Variants in SNX29 observed in about 807,000 individuals in gnomAD.
The protein encoded by SNX29 is sorting nexin 29.
A neutral mutation model predicts 102.1 loss-of-function variants in SNX29; 78 were observed. The ratio of observed to expected loss-of-function variants is 0.76; its 90% CI spans 0.64 to 0.92. The LOEUF (loss-of-function observed/expected upper bound fraction) is 0.92, where lower values mean the gene tolerates loss of function less well. Ranked by LOEUF, SNX29 falls within the 40% of genes least tolerant of loss-of-function variation. The pLI is 0.00. For synonymous variants in SNX29, 580 were observed against 414.5 expected, an observed-to-expected ratio of 1.40 and a Z score of -4.85; for missense variants, 1,280 against 1,061.7, an observed-to-expected ratio of 1.21 and a Z score of -2.86.
chr16:12,435,760 C>T (rs1597372297), intron 18 of SNX29, among the ~76,000 whole-genome samples: 1 of 152,186 alleles, frequency 6.6e-6, no homozygotes, highest in Admixed American at 6.5e-5. Flanking sequence ...GATCCTGGGT[C>T]TCCTTGCAGC....
chr16:12,565,082 ATGGGGT>A (rs1567215559), intron 20 of SNX29, among the ~76,000 whole-genome samples: 6 of 152,164 alleles, frequency 3.9e-5, no homozygotes, highest in Non-Finnish European at 8.8e-5. Flanking sequence ...GTGGGGACAC[ATGGGGT>A]CGTCTTCTCT....
At chr16:12,193,891 C>A (rs1173845221) in intron 13 of SNX29, among the ~76,000 whole-genome samples, 1 of 152,166 alleles carries the variant, frequency 6.6e-6, no homozygotes, top group East Asian at 1.9e-4. Flanking sequence ...AGGGCTGTAG[C>A]TTTACAGGAA....
chr16:12,366,258 C>T (rs2082477275), intron 16 of SNX29, among the ~76,000 whole-genome samples: 1 of 152,056 alleles, frequency 6.6e-6, no homozygotes, highest in Non-Finnish European at 1.5e-5. Context: ...AAGGGATGGG[C>T]TAGGTACAGC....
intron 15 of SNX29, among the ~76,000 whole-genome samples, chr16:12,338,811 G>A (rs903923294): frequency 2.6e-5 from 4 of 152,142 alleles, no homozygotes; most frequent in Non-Finnish European, 5.9e-5. Context: ...CACCTTCCAT[G>A]TGGGAGGCGC....
At chr16:12,269,357 G>T (rs906457469) in intron 14 of SNX29, among the ~76,000 whole-genome samples, 1 of 152,194 alleles carries the variant, frequency 6.6e-6, no homozygotes, top group African/African-American at 2.4e-5. Context: ...GATTAAAATG[G>T]CCAGACTGAA....
At chr16:12,319,383 ACTGGGGAGG>A (rs2080855181) in intron 15 of SNX29, among the ~76,000 whole-genome samples, 1 of 152,154 alleles carries the variant, frequency 6.6e-6, no homozygotes, top group Non-Finnish European at 1.5e-5. Context: ...AGTTCCAGCT[ACTGGGGAGG>A]CTGAGGTGAG....
intron 3 of SNX29, among the ~76,000 whole-genome samples, chr16:12,022,705 C>A (rs2057065434): frequency 6.6e-6 from 1 of 152,048 alleles, no homozygotes; most frequent in African/African-American, 2.4e-5. Flanking sequence ...GGGGTTATGT[C>A]CTGATAATCC....
At chr16:12,377,207 G>A (rs183822397) in intron 16 of SNX29, among the ~76,000 whole-genome samples, 433 of 152,308 alleles carry the variant, frequency 2.8e-3, no homozygotes, top group Non-Finnish European at 4.6e-3. Flanking sequence ...AAAACAGGGT[G>A]TAGTATATTA....
At chr16:12,430,205 C>T (rs531521292) in intron 18 of SNX29, among the ~76,000 whole-genome samples, 17 of 152,360 alleles carry the variant, frequency 1.1e-4, no homozygotes, top group East Asian at 3.9e-4. Context: ...AGTTCCCCCC[C>T]CAGCCCCAGT....
intron 11 of SNX29, chr16:12,090,287 T>C (rs2052454708): frequency 1.3e-5 from 2 of 152,332 alleles, no homozygotes; most frequent in Admixed American, 1.3e-4. Flanking sequence ...GGGCATCCTT[T>C]GTGATTGGAG....
intron 19 of SNX29, among the ~76,000 whole-genome samples, chr16:12,489,323 G>T (rs1338088394): frequency 6.6e-6 from 1 of 151,650 alleles, no homozygotes; most frequent in Admixed American, 6.6e-5. Flanking sequence ...GTTGCCACCA[G>T]TTGGTTATTT....
At chr16:12,326,781 G>A (rs946545998) in intron 15 of SNX29, among the ~76,000 whole-genome samples, 1 of 152,194 alleles carries the variant, frequency 6.6e-6, no homozygotes, top group African/African-American at 2.4e-5. Context: ...TGGTACTGTG[G>A]TGCAGGTGGC....
At chr16:12,515,631 T>A in intron 19 of SNX29, 1 of 485,732 alleles carries the variant, frequency 2.1e-6, no homozygotes, top group Middle Eastern at 3.1e-4. Context: ...TGCCTTCCTG[T>A]CCTAGCCACC....
At chr16:12,066,563 C>T (rs1023207537) in intron 9 of SNX29, among the ~76,000 whole-genome samples, 57 of 152,206 alleles carry the variant, frequency 3.7e-4, no homozygotes, top group African/African-American at 1.2e-3. Context: ...TGAGCACTGT[C>T]GTCTTCACGG....
At chr16:12,477,644 G>A in intron 18 of SNX29, 75 bp from the exon 19 acceptor site, 1 of 1,563,482 alleles carries the variant, frequency 6.4e-7, no homozygotes, top group Non-Finnish European at 8.7e-7. Flanking sequence ...GGTTTTCATG[G>A]GGAAAGCATA....
intron 20 of SNX29, among the ~76,000 whole-genome samples, chr16:12,555,205 A>G (rs370487259): frequency 3.3e-5 from 5 of 151,796 alleles, no homozygotes; most frequent in Admixed American, 2.6e-4. Context: ...AGACTGGACT[A>G]TGGGCAGCTG....
chr16:12,439,035 G>A (rs866786126), intron 18 of SNX29, among the ~76,000 whole-genome samples: 23 of 152,196 alleles, frequency 1.5e-4, no homozygotes, highest in Admixed American at 2.6e-4. Flanking sequence ...ATGGCAGCCC[G>A]GGCTTCCAAG....
intron 19 of SNX29, among the ~76,000 whole-genome samples, chr16:12,483,340 C>G (rs1440708425): frequency 7.6e-6 from 1 of 131,120 alleles, no homozygotes; most frequent in African/African-American, 3.1e-5. Context: ...TTTTTCCAGA[C>G]GGAGTCTTGC....
chr16:12,385,340 G>A (rs2083305850), intron 16 of SNX29, among the ~76,000 whole-genome samples: 1 of 152,232 alleles, frequency 6.6e-6, no homozygotes, highest in Non-Finnish European at 1.5e-5. Context: ...GATGTTGCCT[G>A]CAGCAGGAAG....
Sources: gnomAD v4.1 joint callset for allele counts (sites outside exome capture counted in the v4.1 genomes callset) on GRCh38, gnomAD v4.1.1 for gene constraint, MANE v1.5 for transcripts, NCBI Gene and HGNC (gene_info 2026-07-23, HGNC 2026-07-21) for gene names.